Variants in MRC1 observed in about 807,000 individuals in gnomAD.
The protein encoded by MRC1 is macrophage mannose receptor 1.
A neutral mutation model predicts 102.9 loss-of-function variants in MRC1; 62 were observed. The observed-to-expected ratio is 0.60, with a 90% CI of 0.49 to 0.74. MRC1 has a LOEUF of 0.74. Among genes scored for constraint, MRC1 ranks in the 30% least tolerant of loss-of-function variants. MRC1 has a pLI of 0.00. For synonymous variants in MRC1, 457 were observed against 298.4 expected (o/e 1.53, Z -5.48); for missense variants, 1,237 against 862.8 (o/e 1.43, Z -5.43).
intron 23 of MRC1, among the ~76,000 whole-genome samples, chr10:17,897,082 AT>A (rs1383794692): frequency 6.6e-6 from 1 of 152,194 alleles, no homozygotes; most frequent in Non-Finnish European, 1.5e-5. Context: ...ATGGACACAA[AT>A]TTGAATTTCA....
intron 5 of MRC1, among the ~76,000 whole-genome samples, chr10:17,843,739 A>T (rs1316448874): frequency 3.3e-5 from 5 of 152,170 alleles, no homozygotes; most frequent in East Asian, 1.9e-4. Flanking sequence ...AATAAACTTT[A>T]AAAAAATCAT....
chr10:17,902,089 T>A lies in MRC1; in HGVS notation c.3766T>A (p.Trp1256Arg). The A allele has an allele frequency of 1.3e-6, 1 of 780,766 alleles. No homozygotes were observed. Among genetic ancestry groups the A allele is most frequent in the Non-Finnish European group, 2.4e-6 (1 of 417,916 alleles). The allele number at this position is 780,766 out of a possible 1,614,324, so 48.4% of individuals were successfully genotyped here. The change falls in exon 26 of 30, where the codon TGG becomes AGG. Residue 1256 changes from tryptophan (W) to arginine (R), a missense_variant. Physicochemically the swap from Trp to Arg is moderately radical, Grantham distance 101. Coordinates refer to ENST00000569591, the MANE Select transcript of MRC1 (RefSeq NM_002438.4). The part of the protein sequence containing the change: ...YYIESSYTRN[W>R]GQASLECLRM... The stretch of plus-strand genomic sequence containing the variant: ...TATTGAGTCCTCATATACAAGAAAC[T>A]GGGGCCAAGCTTCTCTGGAATGTCT...
intron 23 of MRC1, among the ~76,000 whole-genome samples, chr10:17,897,505 G>A (rs1445228161): frequency 2.7e-5 from 4 of 150,432 alleles, no homozygotes; most frequent in Non-Finnish European, 5.9e-5. Flanking sequence ...ACGAACCAGG[G>A]ACTTGTGTAT....
intron 24 of MRC1, among the ~76,000 whole-genome samples, chr10:17,900,510 A>T (rs1833815086): frequency 1.3e-5 from 2 of 152,162 alleles, no homozygotes; most frequent in Admixed American, 1.3e-4. Context: ...GGGGAGTTTC[A>T]CGGAATAAGA....
intron 8 of MRC1, among the ~76,000 whole-genome samples, chr10:17,854,526 T>C (rs1451593403): frequency 2.6e-5 from 4 of 151,652 alleles, no homozygotes; most frequent in Admixed American, 6.6e-5. Context: ...GAAGGGTGGG[T>C]AGGAACTGAG....
At chr10:17,843,906 A>G (rs1233309849) in intron 5 of MRC1, among the ~76,000 whole-genome samples, 2 of 152,178 alleles carry the variant, frequency 1.3e-5, no homozygotes, top group African/African-American at 4.8e-5. Context: ...GTCACAAAGC[A>G]TAGGTATTAA....
At position 17,827,372 on chromosome 10, in the gene MRC1, CAAA is replaced by C. The variant is rs782616938; in HGVS notation, c.464-134_464-132del. The stretch of plus-strand genomic sequence containing the variant: ...TAGAAGGAGAAGGAAAAAAAATACC[CAAA>C]AAAAAAAAAAAAAAAAAAAAAAAAA... On this transcript the variant is annotated intron_variant, in intron 2 of 29. Transcript: ENST00000569591. Among the ~76,000 whole-genome samples, 72 of 64,022 alleles carry C rather than the reference CAAA, an allele frequency of 1.1e-3. 14 individuals carry two copies. Among genetic ancestry groups the C allele is most frequent in the East Asian group, 2.8e-3 (4 of 1,426 alleles). 42.0% of individuals were successfully genotyped at this position (64,022 alleles called of 152,430 possible).
intron 1 of MRC1, among the ~76,000 whole-genome samples, chr10:17,822,750 A>T (rs1838415101): frequency 6.6e-6 from 1 of 152,126 alleles, no homozygotes; most frequent in Admixed American, 6.5e-5. Flanking sequence ...TCTGCCTTGT[A>T]TGTTCCACTC....
At chr10:17,873,512 A>G (rs1377010930) in intron 15 of MRC1, among the ~76,000 whole-genome samples, 3 of 149,890 alleles carry the variant, frequency 2.0e-5, no homozygotes, top group Admixed American at 6.6e-5. Context: ...TTTTTCCTTT[A>G]TATAATGCTA....
chr10:17,909,207 C>T lies in MRC1; in HGVS notation c.4079-99C>T. ...ATATCATATATCAATCAACACACAT[C>T]AAATGTGGAGGATTCCATGTATTTG... On this transcript the variant is annotated intron_variant, in intron 28 of 29. Coordinates refer to ENST00000569591, the MANE Select transcript of MRC1 (RefSeq NM_002438.4). 5 of 730,888 alleles carry T rather than the reference C, an allele frequency of 6.8e-6. No homozygotes were observed. The East Asian group carries it at 1.3e-4, about 19-fold the overall frequency. The allele number at this position is 730,888 out of a possible 1,614,324, so 45.3% of individuals were successfully genotyped here.
At chr10:17,837,274 A>AG (rs1838681212) in intron 4 of MRC1, among the ~76,000 whole-genome samples, 1 of 152,228 alleles carries the variant, frequency 6.6e-6, no homozygotes, top group Non-Finnish European at 1.5e-5. Flanking sequence ...TCTGGATAAG[A>AG]ATGGCATCTC....
intron 3 of MRC1, among the ~76,000 whole-genome samples, chr10:17,833,413 C>A (rs919991625): frequency 1.3e-5 from 2 of 150,324 alleles, no homozygotes; most frequent in African/African-American, 2.5e-5. Flanking sequence ...CCCAGCTACT[C>A]GGTAAACTGA....
intron 4 of MRC1, among the ~76,000 whole-genome samples, chr10:17,834,524 T>C (rs1438897817): frequency 6.6e-6 from 1 of 152,150 alleles, no homozygotes; most frequent in Non-Finnish European, 1.5e-5. Context: ...ATGATTCTCC[T>C]GCCTCAGCCT....
intron 23 of MRC1, among the ~76,000 whole-genome samples, chr10:17,897,374 T>A (rs974809659): frequency 9.9e-5 from 15 of 152,282 alleles, no homozygotes; most frequent in Admixed American, 5.9e-4. Context: ...GCTGAAGTGA[T>A]TTGGCTTGTA....
chr10:17,856,410 G>C (rs1326020872), intron 9 of MRC1, 58 bp downstream of exon 9: 4 of 808,292 alleles, frequency 4.9e-6, no homozygotes, highest in African/African-American at 3.4e-5. Context: ...GATACCGTTG[G>C]CTTTATTTTT....
chr10:17,825,804 A>C (rs1473831438), intron 2 of MRC1, among the ~76,000 whole-genome samples: 3 of 152,210 alleles, frequency 2.0e-5, no homozygotes, highest in Non-Finnish European at 4.4e-5. Context: ...TTTCTTGGCT[A>C]ATGATGACCA....
chr10:17,819,849 G>T (rs1838369294), intron 1 of MRC1, among the ~76,000 whole-genome samples: 1 of 152,158 alleles, frequency 6.6e-6, no homozygotes. Context: ...GGAGGCTGAA[G>T]TGGCAGGATC....
At chr10:17,894,144 A>T in intron 22 of MRC1, 66 bp from the exon 23 acceptor site, 2 of 857,788 alleles carry the variant, frequency 2.3e-6, no homozygotes, top group Admixed American at 1.7e-5. Flanking sequence ...TTTGCTTATT[A>T]ATGAATTGAT....
At chr10:17,878,691 C>T (rs1833470728) in intron 18 of MRC1, among the ~76,000 whole-genome samples, 2 of 151,996 alleles carry the variant, frequency 1.3e-5, no homozygotes, top group Non-Finnish European at 2.9e-5. Context: ...TGAGAAAGGT[C>T]TTGCTCTGTT....
Sources: gnomAD v4.1 joint callset for allele counts (sites outside exome capture counted in the v4.1 genomes callset) on GRCh38, gnomAD v4.1.1 for gene constraint, MANE v1.5 for transcripts, NCBI Gene and HGNC (gene_info 2026-07-23, HGNC 2026-07-21) for gene names.